LPP: variants seen among roughly 807,000 people sequenced by gnomAD.
LPP encodes the protein lipoma-preferred partner.
In LPP, 38 loss-of-function variants were observed where a neutral mutation model predicts 60.4. The ratio of observed to expected loss-of-function variants is 0.63; its 90% CI spans 0.49 to 0.83. The LOEUF is 0.83. LPP is among the 40% of genes least tolerant of loss of function. The pLI, the probability that LPP is intolerant of heterozygous loss-of-function variation, is 0.00. For missense variants in LPP, 902 were observed against 783.6 expected, an observed-to-expected ratio of 1.15 and a Z score of -1.80; for synonymous variants, 328 against 290.8, an observed-to-expected ratio of 1.13 and a Z score of -1.30.
At chr3:188,587,916 T>C (rs1009936699) in intron 6 of LPP, among the ~76,000 whole-genome samples, 19 of 152,212 alleles carry the variant, frequency 1.2e-4, no homozygotes, top group African/African-American at 2.7e-4. Flanking sequence ...TAATTCCAAA[T>C]ATACAGTACA....
chr3:188,349,622 T>C (rs893690286), intron 3 of LPP, among the ~76,000 whole-genome samples: 1 of 152,260 alleles, frequency 6.6e-6, no homozygotes, highest in East Asian at 1.9e-4. Flanking sequence ...ACCTTTGCTG[T>C]AAGTAGCTTC....
chr3:188,770,168 CTTTTT>C (rs57278260), intron 9 of LPP, among the ~76,000 whole-genome samples: 2 of 64,598 alleles, frequency 3.1e-5, no homozygotes, highest in African/African-American at 1.0e-4. Flanking sequence ...AGTTATAATT[CTTTTT>C]TTTTTTTTTT....
At chr3:188,627,896 T>C (rs1847150827) in intron 7 of LPP, among the ~76,000 whole-genome samples, 1 of 152,080 alleles carries the variant, frequency 6.6e-6, no homozygotes, top group Non-Finnish European at 1.5e-5. Context: ...TCAAAATAAC[T>C]GACATCATAC....
intron 6 of LPP, chr3:188,562,122 C>T (rs1375300479): frequency 6.6e-6 from 1 of 151,914 alleles, no homozygotes; most frequent in East Asian, 1.9e-4. Flanking sequence ...TTCAGGGTCT[C>T]CTGACGACCT....
chr3:188,459,023 AT>A (rs1260275704), intron 4 of LPP, among the ~76,000 whole-genome samples: 3 of 152,146 alleles, frequency 2.0e-5, no homozygotes, highest in Non-Finnish European at 4.4e-5. Context: ...ACTAGATTTT[AT>A]TTGTAATCCT....
intron 2 of LPP, among the ~76,000 whole-genome samples, chr3:188,228,848 C>T (rs370149728): frequency 1.7e-4 from 26 of 152,168 alleles, no homozygotes; most frequent in African/African-American, 6.3e-4. Flanking sequence ...TTGCTTAGAG[C>T]AAGTGCATTG....
At chr3:188,287,571 A>G (rs1043783792) in intron 2 of LPP, among the ~76,000 whole-genome samples, 1 of 152,176 alleles carries the variant, frequency 6.6e-6, no homozygotes, top group African/African-American at 2.4e-5. Flanking sequence ...TCAGACAGAC[A>G]GTTCTTACCT....
At chr3:188,687,077 G>A (rs1034385235) in intron 7 of LPP, among the ~76,000 whole-genome samples, 2 of 152,230 alleles carry the variant, frequency 1.3e-5, no homozygotes, top group Non-Finnish European at 2.9e-5. Context: ...CTGTGCTTGT[G>A]TATGAGTCTT....
chr3:188,300,154 A>G (rs1749285197), intron 2 of LPP, among the ~76,000 whole-genome samples: 1 of 152,108 alleles, frequency 6.6e-6, no homozygotes, highest in East Asian at 1.9e-4. Flanking sequence ...TCTAATTTAA[A>G]CATTTGGGTA....
chr3:188,354,192 T>C lies in LPP; in HGVS notation c.-10+12473T>C, dbSNP rs553187737. Among the ~76,000 whole-genome samples the C allele has an allele frequency of 4.3e-4, 65 of 150,874 alleles. No individual in the cohort carries two copies. In the Middle Eastern group the frequency reaches 0.01, roughly 24 times the overall value. On this transcript the variant is annotated intron_variant, in intron 3 of 11. Coordinates refer to ENST00000617246, the MANE Select transcript of LPP (RefSeq NM_001375462.1). Reference sequence around the variant, plus strand: ...ACACACACACAAATGTCGAGCAGTCTTCTTTTTTTAATGTATATTCTCAGG... The same window carrying C: ...ACACACACACAAATGTCGAGCAGTCCTCTTTTTTTAATGTATATTCTCAGG...
intron 1 of LPP, among the ~76,000 whole-genome samples, chr3:188,160,508 T>C (rs1717939621): frequency 6.6e-6 from 1 of 152,252 alleles, no homozygotes; most frequent in Admixed American, 6.5e-5. Context: ...GTTTTCTTAA[T>C]CCATGCCTTT....
chr3:188,654,995 T>C (rs935671010), intron 7 of LPP, among the ~76,000 whole-genome samples: 1 of 152,226 alleles, frequency 6.6e-6, no homozygotes, highest in African/African-American at 2.4e-5. Context: ...ATAATTTATA[T>C]GGAACAAACA....
At chr3:188,227,033 T>C (rs1718022841) in intron 2 of LPP, among the ~76,000 whole-genome samples, 1 of 152,018 alleles carries the variant, frequency 6.6e-6, no homozygotes, top group Non-Finnish European at 1.5e-5. Flanking sequence ...ATGTCTTGAG[T>C]TTTTTCAGTG....
chr3:188,656,253 G>A (rs922581467), intron 7 of LPP, among the ~76,000 whole-genome samples: 8 of 150,100 alleles, frequency 5.3e-5, no homozygotes, highest in East Asian at 2.0e-4. Flanking sequence ...GTGCCCAGGC[G>A]CTCCCAGGTG....
rs57935178 is a variant in LPP, at chr3:188,371,616, AATATATAT to A, written c.-10+29916_-10+29923del. ...CAGAGGAAAGACTGAGTGGTGGGAA[AATATATAT>A]ATATATATATATATATATTTTTTTT... On this transcript the variant is annotated intron_variant, in intron 3 of 11. Coordinates refer to ENST00000617246, the MANE Select transcript of LPP (RefSeq NM_001375462.1). 2.5e-3 allele frequency among the ~76,000 whole-genome samples: 61 copies of A among 24,370 alleles called. 1 individual carries two copies. Among genetic ancestry groups the A allele is most frequent in the African/African-American group, 5.3e-3 (57 of 10,802 alleles). The allele number at this position is 24,370 out of a possible 152,430, so 16.0% of individuals were successfully genotyped here.
chr3:188,729,747 T>G (rs1375197761), intron 8 of LPP, among the ~76,000 whole-genome samples: 2 of 149,576 alleles, frequency 1.3e-5, no homozygotes, highest in Admixed American at 6.7e-5. Flanking sequence ...GAGGCCAAGG[T>G]GGGAGGATTG....
chr3:188,782,543 G>A lies in LPP; in HGVS notation c.1410+22261G>A, dbSNP rs1397084111. 2.0e-5 allele frequency among the ~76,000 whole-genome samples: 3 copies of A among 152,128 alleles called. No individual in the cohort carries two copies. In the East Asian group the frequency reaches 5.8e-4, roughly 29 times the overall value. ...GCCTAGCACAGTATCTGCCTCCTAAGATATGTTTAATAAATGCTAACTGTG... is the reference window on the plus strand; with the variant it reads ...GCCTAGCACAGTATCTGCCTCCTAAAATATGTTTAATAAATGCTAACTGTG... On this transcript the variant is annotated intron_variant, in intron 9 of 11. Transcript: ENST00000617246.
intron 7 of LPP, among the ~76,000 whole-genome samples, chr3:188,613,629 T>C (rs1844294896): frequency 6.6e-6 from 1 of 152,152 alleles, no homozygotes. Context: ...TTGGAAAATA[T>C]TTCAGGAAGA....
In LPP at chr3:188,760,110, C is replaced by T. The variant is rs74628684; in HGVS notation, c.1241-3C>T. ...TGTTCTTATCAAACCCTTTTTTTTC[C>T]AGGCCGCTGTGCTCGCTGTGGAGAA... On this transcript the variant is annotated splice_polypyrimidine_tract_variant and splice_region_variant and intron_variant, in intron 8 of 11. Transcript: ENST00000617246. The T allele has an allele frequency of 3.1e-6, 5 of 1,604,172 alleles. No individual in the cohort carries two copies. The highest frequency in any genetic ancestry group is 4.2e-6 in the Non-Finnish European group (5 of 1,177,254).
Sources: gnomAD v4.1 joint callset for allele counts (sites outside exome capture counted in the v4.1 genomes callset) on GRCh38, gnomAD v4.1.1 for gene constraint, MANE v1.5 for transcripts, NCBI Gene and HGNC (gene_info 2026-07-23, HGNC 2026-07-21) for gene names.